Variants in GALNT13 observed in about 807,000 individuals in gnomAD.
GALNT13 encodes the protein UDP-GalNAc:polypeptide N-acetylgalactosaminyltransferase 13.
A neutral mutation model predicts 64.2 loss-of-function variants in GALNT13; 28 were observed. The ratio of observed to expected loss-of-function variants is 0.44; its 90% CI spans 0.32 to 0.60. The LOEUF (loss-of-function observed/expected upper bound fraction) is 0.60, where lower values mean the gene tolerates loss of function less well. Ranked by LOEUF, GALNT13 falls within the 20% of genes least tolerant of loss-of-function variation. The pLI is 0.05. For missense variants in GALNT13, 577 were observed against 669.8 expected (o/e 0.86, Z 1.53); for synonymous variants, 214 against 224.6 (o/e 0.95, Z 0.42).
the GALNT13 span, among the ~76,000 whole-genome samples, chr2:153,632,313 T>A: frequency 6.6e-6 from 1 of 152,180 alleles, no homozygotes; most frequent in East Asian, 1.9e-4. Flanking sequence ...ATTACTAACA[T>A]CTCACATTAC....
At chr2:154,043,013 C>G (rs1178212641) in intron 3 of GALNT13, among the ~76,000 whole-genome samples, 5 of 151,828 alleles carry the variant, frequency 3.3e-5, no homozygotes, top group African/African-American at 1.2e-4. Context: ...AGATTAGAAG[C>G]CTTTTGAGGA....
At chr2:153,698,979 C>A in the GALNT13 span, among the ~76,000 whole-genome samples, 1 of 152,138 alleles carries the variant, frequency 6.6e-6, no homozygotes, top group Non-Finnish European at 1.5e-5. Context: ...AACCCCAGCA[C>A]TTTGGGAGGC....
At chr2:153,356,260 A>G in the GALNT13 span, among the ~76,000 whole-genome samples, 1 of 152,206 alleles carries the variant, frequency 6.6e-6, no homozygotes, top group African/African-American at 2.4e-5. Flanking sequence ...AAAAATTTCC[A>G]TTGATATGTA....
intron 3 of GALNT13, among the ~76,000 whole-genome samples, chr2:153,996,517 G>A (rs1369778071): frequency 4.0e-5 from 6 of 151,814 alleles, no homozygotes. Flanking sequence ...GCCCATTTTT[G>A]GATGGGATTT....
the GALNT13 span, among the ~76,000 whole-genome samples, chr2:153,439,515 A>T: frequency 4.7e-3 from 720 of 152,260 alleles, 2 homozygotes; most frequent in African/African-American, 0.017. Flanking sequence ...AGCCTGGGCA[A>T]TAGCAGGTGC....
the GALNT13 span, among the ~76,000 whole-genome samples, chr2:153,183,547 G>T: frequency 1.3e-5 from 2 of 152,124 alleles, no homozygotes; most frequent in Admixed American, 1.3e-4. Flanking sequence ...CTTTGCCTGT[G>T]CCTATGTCCT....
the GALNT13 span, among the ~76,000 whole-genome samples, chr2:153,280,713 T>C: frequency 1.3e-5 from 2 of 152,210 alleles, no homozygotes; most frequent in South Asian, 4.1e-4. Flanking sequence ...TTTATCTCAC[T>C]GTGGACCAAA....
At chr2:153,314,833 C>T in the GALNT13 span, among the ~76,000 whole-genome samples, 1 of 151,290 alleles carries the variant, frequency 6.6e-6, no homozygotes, top group Admixed American at 6.6e-5. Context: ...AAGGTCTTGT[C>T]AGTAACCTAA....
chr2:154,268,624 C>CACAG (rs141879807), intron 8 of GALNT13, among the ~76,000 whole-genome samples: 2,949 of 151,846 alleles, frequency 0.019, 79 homozygotes, highest in African/African-American at 0.062. Context: ...CACACACACA[C>CACAG]AGAGAGAGAG....
At chr2:153,123,428 ATAG>A in the GALNT13 span, among the ~76,000 whole-genome samples, 1 of 152,324 alleles carries the variant, frequency 6.6e-6, no homozygotes, top group South Asian at 2.1e-4. Flanking sequence ...CTAACCTAAA[ATAG>A]TAGTTTAGAC....
intron 7 of GALNT13, among the ~76,000 whole-genome samples, chr2:154,257,220 C>A (rs984498597): frequency 3.3e-5 from 5 of 152,060 alleles, no homozygotes; most frequent in African/African-American, 4.8e-5. Context: ...GCCACTTATA[C>A]ATTTCTCACA....
chr2:153,893,826 G>A (rs9636319), intron 1 of GALNT13, among the ~76,000 whole-genome samples: 21,548 of 151,964 alleles, frequency 0.14, 1,734 homozygotes, highest in South Asian at 0.21. Context: ...TACTTTGAAC[G>A]TGAAATTTTG....
At chr2:153,633,383 C>A in the GALNT13 span, among the ~76,000 whole-genome samples, 1 of 152,100 alleles carries the variant, frequency 6.6e-6, no homozygotes, top group Admixed American at 6.6e-5. Flanking sequence ...ACCAAGTAGT[C>A]ATTTTTTTCC....
intron 3 of GALNT13, among the ~76,000 whole-genome samples, chr2:154,000,651 T>A (rs1207883797): frequency 6.6e-6 from 1 of 152,030 alleles, no homozygotes; most frequent in Non-Finnish European, 1.5e-5. Flanking sequence ...TGAGAAAATA[T>A]AATGGATATG....
At chr2:154,437,812 G>A (rs1231080968) in intron 11 of GALNT13, 5 of 307,270 alleles carry the variant, frequency 1.6e-5, no homozygotes, top group African/African-American at 4.8e-5. Context: ...CCCAGATTAC[G>A]CCAGTGCACT....
upstream of GALNT13, among the ~76,000 whole-genome samples, chr2:153,869,640 T>C (rs1159373253): frequency 1.3e-5 from 2 of 152,218 alleles, no homozygotes; most frequent in Non-Finnish European, 2.9e-5. Context: ...TTGGTGACTT[T>C]AACCTTGGTC....
the GALNT13 span, among the ~76,000 whole-genome samples, chr2:153,632,309 A>G: frequency 1.3e-5 from 2 of 152,194 alleles, no homozygotes; most frequent in Non-Finnish European, 2.9e-5. Flanking sequence ...CCCCATTACT[A>G]ACATCTCACA....
intron 3 of GALNT13, among the ~76,000 whole-genome samples, chr2:154,133,818 C>G (rs1328497866): frequency 1.3e-5 from 2 of 151,786 alleles, no homozygotes; most frequent in Non-Finnish European, 2.9e-5. Context: ...ATAACACTGA[C>G]AAGTATAACA....
At chr2:153,811,613 A>T in the GALNT13 span, among the ~76,000 whole-genome samples, 2 of 152,208 alleles carry the variant, frequency 1.3e-5, no homozygotes, top group Non-Finnish European at 2.9e-5. Context: ...TCTTGTTGGG[A>T]CTTGCAACAT....
Sources: allele counts gnomAD v4.1 joint callset (sites outside exome capture counted in the v4.1 genomes callset), GRCh38; gene constraint gnomAD v4.1.1; transcripts MANE v1.5; gene names NCBI Gene and HGNC (gene_info 2026-07-23, HGNC 2026-07-21).